The following PRKG1 variants were observed in gnomAD, a reference collection of about 807,000 sequenced individuals.
PRKG1 encodes the protein cGMP-dependent protein kinase 1.
Under a neutral mutation model 88.1 loss-of-function variants are expected in PRKG1, and 35 were observed. That is an observed-to-expected ratio of 0.40 (90% confidence interval 0.30 to 0.53). PRKG1 has a LOEUF of 0.53. Among genes scored for constraint, PRKG1 ranks in the 20% least tolerant of loss-of-function variants. The pLI, the probability that PRKG1 is intolerant of heterozygous loss-of-function variation, is 0.59. For synonymous variants in PRKG1, 303 were observed against 292.5 expected, an observed-to-expected ratio of 1.04 and a Z score of -0.37; for missense variants, 540 against 839.8, an observed-to-expected ratio of 0.64 and a Z score of 4.41.
intron 5 of PRKG1, among the ~76,000 whole-genome samples, chr10:51,960,336 A>G (rs900128464): frequency 1.1e-4 from 16 of 152,072 alleles, no homozygotes; most frequent in Admixed American, 6.6e-5. Context: ...GGTTAGTTTA[A>G]CAGACTTTGG....
chr10:51,828,904 A>T (rs1839939837), intron 4 of PRKG1, among the ~76,000 whole-genome samples: 1 of 152,240 alleles, frequency 6.6e-6, no homozygotes, highest in African/African-American at 2.4e-5. Flanking sequence ...TATCTATTGC[A>T]GTATGACAAA....
intron 3 of PRKG1, among the ~76,000 whole-genome samples, chr10:51,667,374 C>T (rs12257285): frequency 0.014 from 2,189 of 152,184 alleles, 49 homozygotes; most frequent in African/African-American, 0.047. Flanking sequence ...TTTTTAGATA[C>T]GTACAGCCTT....
intron 3 of PRKG1, among the ~76,000 whole-genome samples, chr10:51,748,155 C>A (rs1329165510): frequency 6.6e-6 from 1 of 152,206 alleles, no homozygotes; most frequent in East Asian, 1.9e-4. Flanking sequence ...AGTGCCCATC[C>A]AGTCTTATCC....
intron 2 of PRKG1, among the ~76,000 whole-genome samples, chr10:51,277,338 A>C (rs1176082496): frequency 1.3e-5 from 2 of 152,236 alleles, no homozygotes; most frequent in African/African-American, 4.8e-5. Context: ...TTTTGGTACC[A>C]GTACCATGCT....
intron 9 of PRKG1, among the ~76,000 whole-genome samples, chr10:52,210,537 T>C (rs1839943526): frequency 1.3e-5 from 2 of 152,232 alleles, no homozygotes; most frequent in African/African-American, 4.8e-5. Context: ...TTAATGCCTT[T>C]ATTTCTATAT....
At chr10:52,279,314 G>A (rs897401140) in intron 12 of PRKG1, among the ~76,000 whole-genome samples, 1 of 152,092 alleles carries the variant, frequency 6.6e-6, no homozygotes, top group Non-Finnish European at 1.5e-5. Context: ...TTTCTCTTGT[G>A]CTCATAAATT....
At chr10:51,089,174 G>A (rs900009106) in intron 1 of PRKG1, among the ~76,000 whole-genome samples, 6 of 152,126 alleles carry the variant, frequency 3.9e-5, no homozygotes, top group Admixed American at 2.6e-4. Context: ...TTCCAAGGAA[G>A]CACAGTTGTT....
intron 3 of PRKG1, among the ~76,000 whole-genome samples, chr10:51,586,013 A>T (rs1331139532): frequency 6.6e-6 from 1 of 152,108 alleles, no homozygotes; most frequent in Non-Finnish European, 1.5e-5. Flanking sequence ...TTCAAAAGCT[A>T]CCTGTTGGGT....
At chr10:51,699,391 C>T in intron 3 of PRKG1, 3 of 1,614,088 alleles carry the variant, frequency 1.9e-6, no homozygotes, top group South Asian at 1.1e-5. Flanking sequence ...TGGGTTTTCC[C>T]GTCTCTCTAT....
At chr10:51,389,588 G>A (rs771206985) in intron 2 of PRKG1, among the ~76,000 whole-genome samples, 2 of 152,076 alleles carry the variant, frequency 1.3e-5, no homozygotes, top group Non-Finnish European at 2.9e-5. Flanking sequence ...TACTTGGTGG[G>A]TGTCCCATCA....
Position 51,948,093 on chromosome 10 carries a change from T to G in PRKG1, c.762+40523T>G, listed in dbSNP as rs1306836167. Among the ~76,000 whole-genome samples, 4 of 152,296 alleles carry G rather than the reference T, an allele frequency of 2.6e-5. No individual in the cohort carries two copies. In the South Asian group the frequency reaches 6.2e-4, roughly 24 times the overall value. The stretch of plus-strand genomic sequence containing the variant: ...TCATTATATATTTTTGATGAAAGAA[T>G]AGAGATTTATGACAACATTTCTCAA... On this transcript the variant is annotated intron_variant, in intron 5 of 17. Coordinates refer to ENST00000373980, the MANE Select transcript of PRKG1 (RefSeq NM_006258.4).
rs561063129 is a variant in PRKG1, at chr10:52,279,864, GA to G, written c.1404-922del. Among the ~76,000 whole-genome samples the G allele has an allele frequency of 5.5e-3, 811 of 146,738 alleles. 5 individuals are homozygous for G. The highest frequency in any genetic ancestry group is 8.9e-3 in the Non-Finnish European group (591 of 66,624). On this transcript the variant is annotated intron_variant, in intron 12 of 17. Coordinates refer to ENST00000373980, the MANE Select transcript of PRKG1 (RefSeq NM_006258.4). ...TTATTAAATTGTGCTTACTACTCGG[GA>G]AAGAAAAAAAAAGTACATGGTTTAT...
At chr10:51,706,240 A>G (rs1388075954) in intron 3 of PRKG1, among the ~76,000 whole-genome samples, 2 of 152,234 alleles carry the variant, frequency 1.3e-5, no homozygotes, top group Non-Finnish European at 2.9e-5. Flanking sequence ...TGCTTAGTGT[A>G]TTTAATATGA....
intron 5 of PRKG1, among the ~76,000 whole-genome samples, chr10:51,944,274 C>T (rs1034486939): frequency 3.6e-4 from 55 of 151,870 alleles, no homozygotes; most frequent in African/African-American, 8.7e-4. Context: ...GATGGCAGTT[C>T]GTATTTCTGC....
intron 8 of PRKG1, among the ~76,000 whole-genome samples, chr10:52,145,754 G>T (rs549840378): frequency 1.3e-5 from 2 of 152,204 alleles, no homozygotes; most frequent in South Asian, 2.1e-4. Context: ...GGCCCAGCTG[G>T]GTCATAAAGA....
chr10:51,337,043 G>A (rs867180423), intron 2 of PRKG1, among the ~76,000 whole-genome samples: 11 of 152,112 alleles, frequency 7.2e-5, no homozygotes, highest in African/African-American at 2.4e-4. Context: ...AAGCAGCATG[G>A]TACTGTTACA....
chr10:51,480,471 G>C (rs1589000643), intron 3 of PRKG1, among the ~76,000 whole-genome samples: 2 of 151,682 alleles, frequency 1.3e-5, no homozygotes, highest in African/African-American at 4.8e-5. Context: ...GGACCTTACT[G>C]TGTTCTCCAT....
At chr10:51,470,790 G>T (rs1840029332) in intron 3 of PRKG1, among the ~76,000 whole-genome samples, 1 of 151,872 alleles carries the variant, frequency 6.6e-6, no homozygotes, top group Non-Finnish European at 1.5e-5. Flanking sequence ...TATAAAATAT[G>T]ATTATGAGCT....
chr10:51,379,746 G>A (rs1337950895), intron 2 of PRKG1, among the ~76,000 whole-genome samples: 1 of 152,174 alleles, frequency 6.6e-6, no homozygotes, highest in African/African-American at 2.4e-5. Flanking sequence ...AGAGAGTAAG[G>A]CTGTCAGGCT....
Sources: allele counts gnomAD v4.1 joint callset (sites outside exome capture counted in the v4.1 genomes callset), GRCh38; gene constraint gnomAD v4.1.1; transcripts MANE v1.5; gene names NCBI Gene and HGNC (gene_info 2026-07-23, HGNC 2026-07-21).